Variants in FILIP1 observed in about 807,000 individuals in gnomAD.
FILIP1 encodes filamin A interacting protein 1.
A neutral mutation model predicts 102.1 loss-of-function variants in FILIP1; 61 were observed. That is an observed-to-expected ratio of 0.60 (90% confidence interval 0.49 to 0.74). The LOEUF is 0.74. FILIP1 is among the 30% of genes least tolerant of loss of function. The pLI is 0.00. For synonymous variants in FILIP1, 491 were observed against 526.9 expected (o/e 0.93, Z 0.93); for missense variants, 1,314 against 1,441.2 (o/e 0.91, Z 1.43).
intron 1 of FILIP1, among the ~76,000 whole-genome samples, chr6:75,477,475 T>G (rs972269897): frequency 6.6e-5 from 10 of 152,150 alleles, no homozygotes; most frequent in Non-Finnish European, 1.5e-4. Flanking sequence ...TAGCCTGATT[T>G]AATCATGCCA....
At chr6:75,460,080 C>A (rs1778972827) in intron 1 of FILIP1, among the ~76,000 whole-genome samples, 1 of 152,140 alleles carries the variant, frequency 6.6e-6, no homozygotes, top group South Asian at 2.1e-4. Context: ...CTGCCATTAG[C>A]TCTTCACCTA....
chr6:75,392,219 ATC>A (rs746419166), intron 2 of FILIP1, among the ~76,000 whole-genome samples: 12 of 151,938 alleles, frequency 7.9e-5, no homozygotes, highest in Middle Eastern at 3.2e-3. Flanking sequence ...TATCTTTTCT[ATC>A]TAAATTTGCT....
At chr6:75,373,693 T>C (rs1218141738) in intron 2 of FILIP1, among the ~76,000 whole-genome samples, 3 of 131,548 alleles carry the variant, frequency 2.3e-5, no homozygotes, top group African/African-American at 9.3e-5. Flanking sequence ...ATTTTCTATC[T>C]AGAGATTATG....
At chr6:75,374,213 C>T (rs973305426) in intron 2 of FILIP1, among the ~76,000 whole-genome samples, 1 of 152,086 alleles carries the variant, frequency 6.6e-6, no homozygotes, top group Non-Finnish European at 1.5e-5. Flanking sequence ...ACAGGTTCCC[C>T]CATGCAGTGC....
Position 75,354,651 on chromosome 6 carries a change from C to G in FILIP1, c.451-934G>C, listed in dbSNP as rs917677290. 4.6e-5 allele frequency among the ~76,000 whole-genome samples: 7 copies of G among 151,632 alleles called. No individual in the cohort carries two copies. The South Asian group carries it at 6.2e-4, about 13-fold the overall frequency. On this transcript the variant is annotated intron_variant, in intron 3 of 5. Coordinates refer to ENST00000237172, the MANE Select transcript of FILIP1 (RefSeq NM_015687.5). ...TCAACGTGATTTTAATGCTCACTTA[C>G]CTGATAAAGTTCAAACACTTTTTCA...
intron 1 of FILIP1, among the ~76,000 whole-genome samples, chr6:75,417,372 C>A (rs1319453611): frequency 6.6e-6 from 1 of 152,144 alleles, no homozygotes; most frequent in Non-Finnish European, 1.5e-5. Context: ...TACAAAAGTA[C>A]TCAGCAATAA....
intron 1 of FILIP1, among the ~76,000 whole-genome samples, chr6:75,429,785 T>C (rs369159810): frequency 6.6e-6 from 1 of 152,176 alleles, no homozygotes; most frequent in East Asian, 1.9e-4. Flanking sequence ...CAAGGAAATA[T>C]GATACTGATC....
chr6:75,347,576 T>C (rs527842658), intron 4 of FILIP1, among the ~76,000 whole-genome samples: 4 of 152,354 alleles, frequency 2.6e-5, no homozygotes, highest in African/African-American at 7.2e-5. Flanking sequence ...TTTTGAGATA[T>C]GGCCACTAAA....
intron 1 of FILIP1, among the ~76,000 whole-genome samples, chr6:75,425,064 C>A (rs1777586067): frequency 6.6e-6 from 1 of 152,126 alleles, no homozygotes; most frequent in Non-Finnish European, 1.5e-5. Context: ...GATCCCTTGT[C>A]TTAGATTAAA....
At chr6:75,416,715 T>C (rs1445833915) in intron 1 of FILIP1, among the ~76,000 whole-genome samples, 1 of 152,182 alleles carries the variant, frequency 6.6e-6, no homozygotes, top group Non-Finnish European at 1.5e-5. Context: ...ATACCACATG[T>C]GAATTCTTTT....
At chr6:75,463,202 G>A (rs1220514010) in intron 1 of FILIP1, among the ~76,000 whole-genome samples, 2 of 152,156 alleles carry the variant, frequency 1.3e-5, no homozygotes, top group East Asian at 3.8e-4. Context: ...AGCGCACAAA[G>A]TAAAGCCCAC....
chr6:75,419,624 C>T (rs1777384847), intron 1 of FILIP1, among the ~76,000 whole-genome samples: 1 of 152,136 alleles, frequency 6.6e-6, no homozygotes, highest in Non-Finnish European at 1.5e-5. Context: ...CAGAACTGTC[C>T]TGACTCTTTC....
chr6:75,356,851 C>A (rs928051947), intron 3 of FILIP1, among the ~76,000 whole-genome samples: 3 of 152,092 alleles, frequency 2.0e-5, no homozygotes, highest in Admixed American at 6.5e-5. Flanking sequence ...AAATATTCTC[C>A]CCAAGAACTT....
rs960198027 is a variant in FILIP1, at chr6:75,313,084, T to C, written c.2748A>G (p.Pro916=). The change falls in exon 5 of 6, where the codon CCA becomes CCG. Residue 916 remains proline, a synonymous_variant. Transcript: ENST00000237172. The surrounding 1 kb of genome is among the most constrained non-coding windows in gnomAD (Gnocchi z 4.2). The part of the protein sequence containing the change: ...QGQPLHIRVT[P]DHENSTATLE... ...AAGTCGCAGTGCTGTTCTCGTGGTCTGGTGTCACTCGAATATGCAGGGGCT... is the reference window on the plus strand; with the variant it reads ...AAGTCGCAGTGCTGTTCTCGTGGTCCGGTGTCACTCGAATATGCAGGGGCT... 11 of 1,614,238 alleles carry C rather than the reference T, an allele frequency of 6.8e-6. No homozygotes were observed. The highest frequency in any genetic ancestry group is 8.5e-6 in the Non-Finnish European group (10 of 1,180,052).
intron 1 of FILIP1, among the ~76,000 whole-genome samples, chr6:75,448,638 A>G (rs1247076979): frequency 6.6e-6 from 1 of 152,146 alleles, no homozygotes; most frequent in Non-Finnish European, 1.5e-5. Context: ...TCTACAAGGA[A>G]TATAAACAAA....
intron 2 of FILIP1, among the ~76,000 whole-genome samples, chr6:75,388,473 T>C (rs1197156314): frequency 6.6e-6 from 1 of 152,224 alleles, no homozygotes; most frequent in Non-Finnish European, 1.5e-5. Flanking sequence ...ACTTTGGCAG[T>C]ATGGCCATTT....
chr6:75,476,704 C>T (rs1429157996), intron 1 of FILIP1, among the ~76,000 whole-genome samples: 1 of 152,132 alleles, frequency 6.6e-6, no homozygotes, highest in Non-Finnish European at 1.5e-5. Flanking sequence ...AGATTCTGGC[C>T]TTTTCTTAGT....
Position 75,314,750 on chromosome 6 carries a change from T to C in FILIP1, c.1082A>G (p.Glu361Gly), listed in dbSNP as rs767624596. Reference protein sequence around the residue: ...NLQKAEEELQELRDKIAKGEC... With the variant: ...NLQKAEEELQGLRDKIAKGEC... ...TCCTTTGGCAATTTTATCTCTTAAT[T>C]CTTGAAGTTCTTCCTCTGCCTTCTG... The change falls in exon 5 of 6, where the codon GAA (glutamate) becomes GGA (glycine). Residue 361 changes from glutamate to glycine, a missense_variant. Physicochemically the swap from Glu to Gly is moderately conservative, Grantham distance 98. This residue lies in a region of FILIP1 where 494 missense variants were observed against 511.2 expected (regional missense o/e 0.97). Transcript: ENST00000237172. The C allele has an allele frequency of 7.4e-6, 12 of 1,614,058 alleles. No individual in the cohort carries two copies. In the East Asian group the frequency reaches 2.2e-4, roughly 30 times the overall value.
intron 3 of FILIP1, among the ~76,000 whole-genome samples, chr6:75,361,350 C>T (rs1443134804): frequency 6.6e-6 from 1 of 152,214 alleles, no homozygotes; most frequent in Non-Finnish European, 1.5e-5. Context: ...AGACGCACCT[C>T]TCCCTTGGTG....
Sources: allele counts gnomAD v4.1 joint callset (sites outside exome capture counted in the v4.1 genomes callset), GRCh38; gene constraint gnomAD v4.1.1; regional missense constraint gnomAD v4.1.1; non-coding constraint Gnocchi (gnomAD v3.1); transcripts MANE v1.5; gene names NCBI Gene and HGNC (gene_info 2026-07-23, HGNC 2026-07-21).